Variants in AFAP1L2 observed in about 807,000 individuals in gnomAD.
The protein encoded by AFAP1L2 is actin filament associated protein 1 like 2.
AFAP1L2 carries 46 observed loss-of-function variants against 99.3 expected under a neutral mutation model. The observed-to-expected ratio is 0.46, with a 90% CI of 0.37 to 0.59. The LOEUF is 0.59. AFAP1L2 is among the 20% of genes least tolerant of loss of function. AFAP1L2 has a pLI of 0.00. For missense variants in AFAP1L2, 959 were observed against 1,034.9 expected (o/e 0.93, Z 1.01); for synonymous variants, 397 against 419.1 (o/e 0.95, Z 0.64).
At chr10:114,347,203 C>A (rs1006673288) in intron 1 of AFAP1L2, among the ~76,000 whole-genome samples, 1 of 152,130 alleles carries the variant, frequency 6.6e-6, no homozygotes, top group African/African-American at 2.4e-5. Flanking sequence ...GTGTTAGGAG[C>A]CTGTGACACT....
chr10:114,327,173 A>ATTTT lies in AFAP1L2; in HGVS notation c.316-3916_316-3913dup, dbSNP rs148962632. On this transcript the variant is annotated intron_variant, in intron 4 of 18. Transcript: ENST00000304129. ...TATATATATATATATATATATATATATTTTTTTTTTAGGCAGAGTCTCACT... is the reference window on the plus strand; with the variant it reads ...TATATATATATATATATATATATATATTTTTTTTTTTTTTAGGCAGAGTCTCACT... Among the ~76,000 whole-genome samples the ATTTT allele has an allele frequency of 1.1e-3, 20 of 18,692 alleles. 2 individuals carry two copies. The highest frequency in any genetic ancestry group is 2.1e-3 in the African/African-American group (18 of 8,730). 12.3% of individuals were successfully genotyped at this position (18,692 alleles called of 152,430 possible). A position where few individuals can be genotyped will look rare whatever the true frequency, so the allele number is the denominator to read the frequency against.
At chr10:114,357,764 C>T (rs543131392) in intron 1 of AFAP1L2, among the ~76,000 whole-genome samples, 1 of 152,282 alleles carries the variant, frequency 6.6e-6, no homozygotes, top group Admixed American at 6.5e-5. Context: ...AAATAGGGTG[C>T]TACTAAAAGG....
At chr10:114,354,126 G>A (rs944835359) in intron 1 of AFAP1L2, among the ~76,000 whole-genome samples, 2 of 152,154 alleles carry the variant, frequency 1.3e-5, no homozygotes, top group Non-Finnish European at 2.9e-5. Flanking sequence ...GAACCTAGAG[G>A]CCAAAATAGC....
intron 1 of AFAP1L2, among the ~76,000 whole-genome samples, chr10:114,403,633 C>T (rs1234438914): frequency 6.6e-6 from 1 of 152,160 alleles, no homozygotes; most frequent in Non-Finnish European, 1.5e-5. Flanking sequence ...TCAAAAGAAC[C>T]GCAATCGAGA....
downstream of AFAP1L2, chr10:114,290,281 A>G (rs1464006443): frequency 6.4e-7 from 1 of 1,550,588 alleles, no homozygotes; most frequent in Non-Finnish European, 8.7e-7. Flanking sequence ...CAGCCCGTGC[A>G]TGAATGAGGG....
the AFAP1L2 span, chr10:114,289,412 G>A: frequency 9.9e-6 from 16 of 1,611,502 alleles, no homozygotes; most frequent in Admixed American, 3.3e-5. Flanking sequence ...GCAGGTCCCC[G>A]GGATTCCCTG....
At chr10:114,363,870 A>AT (rs1354042786) in intron 1 of AFAP1L2, among the ~76,000 whole-genome samples, 11 of 152,172 alleles carry the variant, frequency 7.2e-5, no homozygotes, top group Non-Finnish European at 1.5e-4. Flanking sequence ...CATTATCCCC[A>AT]TTTTACAGAT....
chr10:114,326,665 G>A (rs915941654), intron 4 of AFAP1L2, among the ~76,000 whole-genome samples: 1 of 152,100 alleles, frequency 6.6e-6, no homozygotes, highest in Non-Finnish European at 1.5e-5. Context: ...GGCAGGAGTG[G>A]AGTCCGATCT....
rs777549393 is a variant in AFAP1L2 at position 114,313,919 on chromosome 10, C to T, written c.744G>A (p.Val248=). The change falls in exon 7 of 19, where the codon GTG becomes GTA. Residue 248 remains valine, a synonymous_variant. Coordinates refer to ENST00000304129, the MANE Select transcript of AFAP1L2 (RefSeq NM_001001936.3). Reference sequence around the variant, plus strand: ...CCTTGCTCTGCAGGCCCAGCACAATCACATCGGCATTCATCGGCGTGATCT... The same window carrying T: ...CCTTGCTCTGCAGGCCCAGCACAATTACATCGGCATTCATCGGCGTGATCT... ...KLKITPMNAD[V]IVLGLQSKDQ... The T allele has an allele frequency of 6.2e-7, 1 of 1,614,022 alleles. No individual in the cohort carries two copies. Among genetic ancestry groups the T allele is most frequent in the East Asian group, 2.2e-5 (1 of 44,842 alleles).
intron 5 of AFAP1L2, among the ~76,000 whole-genome samples, chr10:114,320,072 A>G (rs2044904606): frequency 6.6e-6 from 1 of 152,110 alleles, no homozygotes; most frequent in South Asian, 2.1e-4. Context: ...CCCACACTGA[A>G]ATACCCGAGT....
intron 1 of AFAP1L2, among the ~76,000 whole-genome samples, chr10:114,388,617 C>G (rs1193966345): frequency 2.0e-5 from 3 of 152,208 alleles, no homozygotes; most frequent in Non-Finnish European, 2.9e-5. Flanking sequence ...CTGTGTCCAG[C>G]CTACCTCTGC....
intron 2 of AFAP1L2, among the ~76,000 whole-genome samples, chr10:114,335,524 A>C (rs2047828295): frequency 6.6e-6 from 1 of 151,582 alleles, no homozygotes. Flanking sequence ...GAGGCAGGAG[A>C]ATGGCATGAA....
At chr10:114,282,802 G>A in the AFAP1L2 span, among the ~76,000 whole-genome samples, 620 of 152,318 alleles carry the variant, frequency 4.1e-3, 6 homozygotes, top group African/African-American at 0.014. Context: ...CCAGTGTTGT[G>A]TGCATTGGTG....
chr10:114,323,306 C>A, intron 4 of AFAP1L2, 45 bp from the exon 5 acceptor site: 1 of 1,502,226 alleles, frequency 6.7e-7, no homozygotes, highest in Non-Finnish European at 9.1e-7. Context: ...ATATGGTACA[C>A]TGGGAGCAAC....
chr10:114,318,841 T>C (rs915426366), intron 5 of AFAP1L2, among the ~76,000 whole-genome samples: 4 of 151,930 alleles, frequency 2.6e-5, no homozygotes, highest in Non-Finnish European at 5.9e-5. Context: ...CTAAAAGGGA[T>C]CACAGCACAC....
At chr10:114,339,761 C>A (rs1205581318) in intron 2 of AFAP1L2, among the ~76,000 whole-genome samples, 2 of 152,072 alleles carry the variant, frequency 1.3e-5, no homozygotes, top group Non-Finnish European at 2.9e-5. Flanking sequence ...CGCCTGTAAT[C>A]CCAGCACTTT....
the AFAP1L2 span, among the ~76,000 whole-genome samples, chr10:114,288,594 A>G: frequency 6.6e-6 from 1 of 152,198 alleles, no homozygotes; most frequent in African/African-American, 2.4e-5. Flanking sequence ...GTCCAAGGTC[A>G]CCATTTCTCA....
intron 1 of AFAP1L2, among the ~76,000 whole-genome samples, chr10:114,399,440 A>G (rs2058042523): frequency 6.6e-6 from 1 of 152,220 alleles, no homozygotes. Flanking sequence ...CCGATAAGGA[A>G]TGAATTTGAA....
the AFAP1L2 span, among the ~76,000 whole-genome samples, chr10:114,288,534 G>A: frequency 6.6e-6 from 1 of 152,246 alleles, no homozygotes; most frequent in East Asian, 1.9e-4. Flanking sequence ...GTTCAGAGGT[G>A]AGTGGCCCGG....
Sources: allele counts gnomAD v4.1 joint callset (sites outside exome capture counted in the v4.1 genomes callset), GRCh38; gene constraint gnomAD v4.1.1; transcripts MANE v1.5; gene names NCBI Gene and HGNC (gene_info 2026-07-23, HGNC 2026-07-21).